CREBBP: variants seen among roughly 807,000 people sequenced by gnomAD.
The protein encoded by CREBBP is CREB binding lysine acetyltransferase.
In CREBBP, 19 loss-of-function variants were observed where a neutral mutation model predicts 265.0. That is an observed-to-expected ratio of 0.07 (90% CI 0.05 to 0.11). The LOEUF (loss-of-function observed/expected upper bound fraction) is 0.11. Among genes scored for constraint, CREBBP ranks in the 10% least tolerant of loss-of-function variants. The probability of loss-of-function intolerance (pLI) is 1.00; values close to 1 mark genes in which losing one functional copy is unlikely to be tolerated. For synonymous variants in CREBBP, 1,457 were observed against 1,223.7 expected (o/e 1.19, Z -3.98); for missense variants, 2,525 against 3,219.0 (o/e 0.78, Z 5.22).
chr16:3,774,477 C>A, intron 12 of CREBBP, 92 bp downstream of exon 12: 1 of 1,563,100 alleles, frequency 6.4e-7, no homozygotes, highest in South Asian at 1.1e-5. Context: ...ACAAGAACCA[C>A]AGGATTCTCA....
rs56368536 is a variant in CREBBP, at chr16:3,781,365, T to G, written c.1574-59A>C. 6.0e-3 allele frequency: 8,136 copies of G among 1,366,338 alleles called. 35 individuals carry two copies. The highest frequency in any genetic ancestry group is 7.4e-3 in the Non-Finnish European group (7,246 of 974,422). The allele number at this position is 1,366,338 out of a possible 1,614,324, so 84.6% of individuals were successfully genotyped here. On this transcript the variant is annotated intron_variant, in intron 6 of 30. Coordinates refer to ENST00000262367, the MANE Select transcript of CREBBP (RefSeq NM_004380.3). ...AAATTTTAATATATACTTCAAAGTT[T>G]TGATGACAGATAACCAACATGCCAC...
intron 1 of CREBBP, 106 bp from the exon 2 acceptor site, chr16:3,851,115 T>G: frequency 1.1e-6 from 1 of 905,640 alleles, no homozygotes; most frequent in Non-Finnish European, 1.8e-6. Context: ...GCACGAACAC[T>G]AGCATGTCTT....
chr16:3,785,792 G>T (rs2053372747), intron 5 of CREBBP, among the ~76,000 whole-genome samples: 1 of 151,964 alleles, frequency 6.6e-6, no homozygotes, highest in Admixed American at 6.5e-5. Flanking sequence ...TTTTTTCCTC[G>T]CTAGAGCATA....
intron 2 of CREBBP, among the ~76,000 whole-genome samples, chr16:3,821,576 C>T (rs1011509302): frequency 9.9e-5 from 15 of 152,124 alleles, no homozygotes; most frequent in Non-Finnish European, 1.6e-4. Context: ...TCTCCTAATT[C>T]TTTTAAGTCC....
At chr16:3,862,128 G>A (rs1241762136) in intron 1 of CREBBP, among the ~76,000 whole-genome samples, 2 of 152,156 alleles carry the variant, frequency 1.3e-5, no homozygotes, top group Non-Finnish European at 2.9e-5. Flanking sequence ...TGGACACCAA[G>A]CCACAAACTT....
rs768173935 is a variant in CREBBP, at chr16:3,770,785, A to G, written c.2665T>C (p.Ser889Pro). The G allele has an allele frequency of 1.2e-6, 2 of 1,613,986 alleles. No homozygotes were observed. The highest frequency in any genetic ancestry group is 2.2e-5 in the South Asian group (2 of 91,064). The stretch of plus-strand genomic sequence containing the variant: ...TGCCCGGAAGACGACACAGGAGTTG[A>G]TGGCTGAGTGGGAGCTGCTGGCTGG... ...PPQPAAPTQP[S>P]TPVSSSGQTP... Residue 889 changes from serine to proline, a missense_variant, in exon 14 of 31, where the codon TCA becomes CCA. Around this residue, in one of 19 missense-constraint regions of CREBBP, gnomAD observed 548 missense variants for 533.0 expected, o/e 1.03. Transcript: ENST00000262367.
At chr16:3,748,111 A>G (rs534339647) in intron 21 of CREBBP, among the ~76,000 whole-genome samples, 1 of 151,332 alleles carries the variant, frequency 6.6e-6, no homozygotes, top group South Asian at 2.1e-4. Context: ...ATAAATACAT[A>G]CATACATACA....
chr16:3,772,144 A>G (rs537374456), intron 13 of CREBBP, among the ~76,000 whole-genome samples: 2 of 151,672 alleles, frequency 1.3e-5, no homozygotes, highest in Admixed American at 1.3e-4. Context: ...CATGTACCCA[A>G]TGTTCTTTAA....
At chr16:3,803,121 T>C (rs2053752009) in intron 3 of CREBBP, among the ~76,000 whole-genome samples, 1 of 151,838 alleles carries the variant, frequency 6.6e-6, no homozygotes. Flanking sequence ...AGAGGAAATG[T>C]TTCTTGTGTT....
chr16:3,742,742 C>T (rs1197018979), intron 23 of CREBBP: 1 of 152,052 alleles, frequency 6.6e-6, no homozygotes, highest in African/African-American at 2.4e-5. Context: ...TGATCAGACA[C>T]CACAACGCCT....
At chr16:3,767,603 G>A (rs548240129) in intron 16 of CREBBP, 117 bp downstream of exon 16, 5 of 1,400,968 alleles carry the variant, frequency 3.6e-6, no homozygotes, top group Admixed American at 3.7e-5. Context: ...TGGCAGGCAA[G>A]AAAGGTAAAA....
At chr16:3,825,143 A>G (rs1230960139) in intron 2 of CREBBP, among the ~76,000 whole-genome samples, 1 of 152,222 alleles carries the variant, frequency 6.6e-6, no homozygotes, top group African/African-American at 2.4e-5. Flanking sequence ...TTTAAAGTCA[A>G]TAACTGCAAG....
intron 2 of CREBBP, among the ~76,000 whole-genome samples, chr16:3,830,925 G>A (rs550220627): frequency 1.3e-5 from 2 of 152,264 alleles, no homozygotes; most frequent in East Asian, 3.9e-4. Context: ...TGCAACTACA[G>A]AAGCGCACCA....
intron 2 of CREBBP, among the ~76,000 whole-genome samples, chr16:3,841,289 A>T (rs1353339309): frequency 6.6e-6 from 1 of 152,134 alleles, no homozygotes; most frequent in African/African-American, 2.4e-5. Flanking sequence ...TTAGAAGCCC[A>T]AAGCCAGTGA....
At chr16:3,734,753 C>T (rs2052007671) in intron 28 of CREBBP, among the ~76,000 whole-genome samples, 1 of 152,106 alleles carries the variant, frequency 6.6e-6, no homozygotes, top group Non-Finnish European at 1.5e-5. Context: ...CAGGTGGCTG[C>T]CTCTCAACCA....
intron 16 of CREBBP, among the ~76,000 whole-genome samples, chr16:3,766,729 G>C (rs1037235351): frequency 6.6e-6 from 1 of 152,032 alleles, no homozygotes; most frequent in African/African-American, 2.4e-5. Context: ...GCCTTGCTAT[G>C]TTGCTCAGGC....
chr16:3,803,886 G>A (rs2053776009), intron 3 of CREBBP, among the ~76,000 whole-genome samples: 1 of 152,002 alleles, frequency 6.6e-6, no homozygotes, highest in African/African-American at 2.4e-5. Context: ...TTTGAGACCA[G>A]CCTCAGCAAC....
intron 23 of CREBBP, 65 bp from the exon 24 acceptor site, chr16:3,740,614 T>C (rs1305173924): frequency 2.5e-6 from 4 of 1,581,370 alleles, no homozygotes; most frequent in Non-Finnish European, 3.5e-6. Context: ...TGACTGAGAC[T>C]AGAGAATCCA....
chr16:3,758,230 A>G (rs555967867), intron 17 of CREBBP, among the ~76,000 whole-genome samples, 182 bp from the exon 18 acceptor site: 1 of 152,318 alleles, frequency 6.6e-6, no homozygotes, highest in East Asian at 1.9e-4. Context: ...TTACTCACTA[A>G]AAGTGTAATT....
Sources: gnomAD v4.1 joint callset for allele counts (sites outside exome capture counted in the v4.1 genomes callset) on GRCh38, gnomAD v4.1.1 for gene constraint, gnomAD v4.1.1 regional missense constraint, MANE v1.5 for transcripts, NCBI Gene and HGNC (gene_info 2026-07-23, HGNC 2026-07-21) for gene names.